The following METTL24 variants were observed in gnomAD, a reference collection of about 807,000 sequenced individuals.
The protein encoded by METTL24 is probable methyltransferase-like protein 24.
A neutral mutation model predicts 32.7 loss-of-function variants in METTL24; 29 were observed. That is an observed-to-expected ratio of 0.89 (90% CI 0.66 to 1.21). METTL24 has a LOEUF of 1.21. Ranked by LOEUF, METTL24 falls within the 50% of genes most tolerant of loss-of-function variation. The pLI is 0.00. For synonymous variants in METTL24, 163 were observed against 179.5 expected, an observed-to-expected ratio of 0.91 and a Z score of 0.73; for missense variants, 439 against 468.1, an observed-to-expected ratio of 0.94 and a Z score of 0.57.
chr6:110,288,234 A>C (rs9487345), intron 4 of METTL24, among the ~76,000 whole-genome samples: 7,815 of 152,096 alleles, frequency 0.051, 547 homozygotes, highest in African/African-American at 0.16. Context: ...TTTCTCCAAG[A>C]GTGGTACACA....
chr6:110,308,461 C>A (rs1045276134), intron 3 of METTL24, among the ~76,000 whole-genome samples: 1 of 152,080 alleles, frequency 6.6e-6, no homozygotes, highest in Non-Finnish European at 1.5e-5. Context: ...AAATCAAAAC[C>A]ACAGTGAGAT....
At chr6:110,295,867 G>A (rs1001729331) in intron 4 of METTL24, among the ~76,000 whole-genome samples, 13 of 145,190 alleles carry the variant, frequency 9.0e-5, no homozygotes, top group African/African-American at 3.4e-4. Context: ...TACTAAAATT[G>A]TTAATAAAAA....
intron 1 of METTL24, among the ~76,000 whole-genome samples, chr6:110,331,879 C>T (rs1772116592): frequency 6.6e-6 from 1 of 152,112 alleles, no homozygotes; most frequent in Non-Finnish European, 1.5e-5. Flanking sequence ...CAGTAGTGGG[C>T]CAGGGTCAAA....
intron 3 of METTL24, among the ~76,000 whole-genome samples, chr6:110,312,421 T>C (rs1371121123): frequency 1.3e-5 from 2 of 152,216 alleles, no homozygotes; most frequent in Non-Finnish European, 2.9e-5. Context: ...TGCAGCACTA[T>C]TCACAATAAC....
chr6:110,334,299 G>A (rs889100879), intron 1 of METTL24, among the ~76,000 whole-genome samples: 1 of 152,148 alleles, frequency 6.6e-6, no homozygotes, highest in Non-Finnish European at 1.5e-5. Context: ...TTTTATCACG[G>A]AAAAGAATTA....
Position 110,344,194 on chromosome 6 carries a change from T to C in METTL24, c.318+13761A>G, listed in dbSNP as rs117352231. 4.2e-3 allele frequency among the ~76,000 whole-genome samples: 646 copies of C among 152,322 alleles called. 18 individuals are homozygous for C. The East Asian group carries it at 0.077, about 18-fold the overall frequency. On this transcript the variant is annotated intron_variant, in intron 1 of 4. Transcript: ENST00000338882. ...CTGCATGACAATGGACTCATGACCT[T>C]CGAGACTTTGCGGTGCCATTCCCAT...
At chr6:110,349,778 T>C (rs1317334083) in intron 1 of METTL24, among the ~76,000 whole-genome samples, 1 of 152,234 alleles carries the variant, frequency 6.6e-6, no homozygotes, top group Non-Finnish European at 1.5e-5. Flanking sequence ...CCTTCCAAAC[T>C]GCCAGCTCTA....
intron 1 of METTL24, among the ~76,000 whole-genome samples, chr6:110,355,997 A>G (rs1772689814): frequency 6.6e-6 from 1 of 152,182 alleles, no homozygotes; most frequent in Non-Finnish European, 1.5e-5. Flanking sequence ...AGGTACAGAC[A>G]AAGAGTTAAG....
At chr6:110,247,037 G>A (rs988827604) in intron 4 of METTL24, among the ~76,000 whole-genome samples, 3 of 151,546 alleles carry the variant, frequency 2.0e-5, no homozygotes, top group Non-Finnish European at 4.4e-5. Context: ...AGGAAGAAGA[G>A]GATTGTAATA....
chr6:110,285,905 T>C lies in METTL24; in HGVS notation c.786+13017A>G, dbSNP rs529857189. 2.0e-3 allele frequency among the ~76,000 whole-genome samples: 312 copies of C among 152,350 alleles called. 2 individuals are homozygous for C. The highest frequency in any genetic ancestry group is 7.2e-3 in the African/African-American group (300 of 41,588). On this transcript the variant is annotated intron_variant, in intron 4 of 4. Transcript: ENST00000338882. Reference sequence around the variant, plus strand: ...GCAACAAAGAAAAATGCCAGCTCCCTGGGGGCTGATTCCTTCCATATGTGA... The same window carrying C: ...GCAACAAAGAAAAATGCCAGCTCCCCGGGGGCTGATTCCTTCCATATGTGA...
intron 1 of METTL24, among the ~76,000 whole-genome samples, chr6:110,326,188 C>T (rs1772013381): frequency 1.3e-5 from 2 of 152,180 alleles, no homozygotes; most frequent in Non-Finnish European, 1.5e-5. Context: ...AGGGATCTTG[C>T]CCCATACCCA....
intron 1 of METTL24, among the ~76,000 whole-genome samples, chr6:110,329,109 C>T (rs915255721): frequency 4.6e-5 from 7 of 152,190 alleles, no homozygotes; most frequent in African/African-American, 1.4e-4. Context: ...TTCTTTATCA[C>T]AATAGATAAC....
At chr6:110,313,952 A>G (rs952131328) in intron 3 of METTL24, among the ~76,000 whole-genome samples, 40 of 152,280 alleles carry the variant, frequency 2.6e-4, no homozygotes, top group African/African-American at 9.4e-4. Context: ...AATGTTTCCT[A>G]TCTTTAAACT....
chr6:110,290,206 C>T (rs889321000), intron 4 of METTL24, among the ~76,000 whole-genome samples: 6 of 152,112 alleles, frequency 3.9e-5, no homozygotes, highest in African/African-American at 1.2e-4. Context: ...TGTAAGCCAC[C>T]ATGCCCAGCC....
chr6:110,324,254 T>G (rs1464796723), intron 1 of METTL24, among the ~76,000 whole-genome samples: 1 of 152,196 alleles, frequency 6.6e-6, no homozygotes, highest in African/African-American at 2.4e-5. Flanking sequence ...GCAGAATCCC[T>G]GTAGAGCCCA....
chr6:110,250,636 G>A (rs552175257), intron 4 of METTL24, among the ~76,000 whole-genome samples: 51 of 148,844 alleles, frequency 3.4e-4, no homozygotes, highest in Admixed American at 3.0e-3. Context: ...TAGGAAAAGC[G>A]CCCTACTCCA....
chr6:110,279,486 G>C (rs1433013610), intron 4 of METTL24, among the ~76,000 whole-genome samples: 2 of 152,100 alleles, frequency 1.3e-5, no homozygotes, highest in African/African-American at 4.8e-5. Flanking sequence ...CATATAAAAA[G>C]CCTTAAGACT....
intron 4 of METTL24, among the ~76,000 whole-genome samples, chr6:110,277,859 C>G (rs1395678098): frequency 6.6e-6 from 1 of 152,088 alleles, no homozygotes; most frequent in East Asian, 1.9e-4. Flanking sequence ...CTAAACCATG[C>G]AAAACTATTC....
At chr6:110,275,244 T>C (rs1771028339) in intron 4 of METTL24, among the ~76,000 whole-genome samples, 1 of 152,200 alleles carries the variant, frequency 6.6e-6, no homozygotes, top group Admixed American at 6.6e-5. Flanking sequence ...TGCAACTGCA[T>C]ATGAATCTGA....
Sources: gnomAD v4.1 joint callset for allele counts (sites outside exome capture counted in the v4.1 genomes callset) on GRCh38, gnomAD v4.1.1 for gene constraint, MANE v1.5 for transcripts, NCBI Gene and HGNC (gene_info 2026-07-23, HGNC 2026-07-21) for gene names.